Variants in PCDHGA3 observed in about 807,000 individuals in gnomAD.
PCDHGA3 encodes the protein protocadherin gamma-A3.
In PCDHGA3, 40 loss-of-function variants were observed where a neutral mutation model predicts 58.5. The observed-to-expected ratio is 0.68, with a 90% CI of 0.53 to 0.89. PCDHGA3 has a LOEUF of 0.89. PCDHGA3 is among the 40% of genes least tolerant of loss of function. The pLI, the probability that PCDHGA3 is intolerant of heterozygous loss-of-function variation, is 0.00. For synonymous variants in PCDHGA3, 530 were observed against 525.7 expected (o/e 1.01, Z -0.11); for missense variants, 1,223 against 1,195.9 (o/e 1.02, Z -0.33).
intron 1 of PCDHGA3, chr5:141,478,167 G>A: frequency 6.2e-7 from 1 of 1,613,772 alleles, no homozygotes; most frequent in Non-Finnish European, 8.5e-7. Context: ...TCTGCCCCCC[G>A]GGAGCAGAAA....
At chr5:141,403,120 C>G (rs2094357495) in intron 1 of PCDHGA3, 3 of 1,614,050 alleles carry the variant, frequency 1.9e-6, no homozygotes, top group South Asian at 2.2e-5. Context: ...CTCTGGAGCC[C>G]CGGGAGCTGG....
chr5:141,369,893 A>T (rs956763780), intron 1 of PCDHGA3, among the ~76,000 whole-genome samples: 1 of 152,230 alleles, frequency 6.6e-6, no homozygotes, highest in Non-Finnish European at 1.5e-5. Context: ...AGATATTATT[A>T]TGACCATTTT....
At chr5:141,440,954 G>A (rs908507291) in intron 1 of PCDHGA3, 9 of 152,184 alleles carry the variant, frequency 5.9e-5, no homozygotes, top group Non-Finnish European at 1.0e-4. Flanking sequence ...GAGTGTCAAG[G>A]CAGAGATCAC....
intron 1 of PCDHGA3, chr5:141,373,841 C>T: frequency 2.3e-6 from 1 of 438,764 alleles, no homozygotes; most frequent in Non-Finnish European, 4.0e-6. Flanking sequence ...TAAGTTAGGA[C>T]TCTAAGCGTC....
chr5:141,370,459 T>G, intron 1 of PCDHGA3: 2 of 1,612,272 alleles, frequency 1.2e-6, no homozygotes, highest in Admixed American at 3.3e-5. Flanking sequence ...CTCTTCCTGC[T>G]CTCTTTGTTA....
At chr5:141,475,980 C>T (rs758066578) in intron 1 of PCDHGA3, 45 of 1,028,498 alleles carry the variant, frequency 4.4e-5, no homozygotes, top group Non-Finnish European at 6.2e-5. Flanking sequence ...ACTGAACAGC[C>T]GGCGAGCAAA....
At chr5:141,420,742 A>G (rs967908996) in intron 1 of PCDHGA3, among the ~76,000 whole-genome samples, 3 of 152,372 alleles carry the variant, frequency 2.0e-5, no homozygotes, top group African/African-American at 7.2e-5. Context: ...AATCAATTGG[A>G]ACCAACTACA....
chr5:141,489,339 C>T lies in PCDHGA3; in HGVS notation c.2425-5468C>T. 6.2e-7 allele frequency: 1 copy of T among 1,608,828 alleles called. No individual in the cohort carries two copies. On this transcript the variant is annotated intron_variant, in intron 1 of 3. Transcript: ENST00000253812. The surrounding 1 kb of genome is among the most constrained non-coding windows in gnomAD (Gnocchi z 4.5). ...GCTGGGTGTCTGGGCAGCTTCGTTA[C>T]TCAGTGGTGGAGGAGTCTGAGCCGG...
chr5:141,389,658 G>T (rs750579245), intron 1 of PCDHGA3: 17 of 1,612,424 alleles, frequency 1.1e-5, no homozygotes, highest in Non-Finnish European at 8.5e-7. Flanking sequence ...GGTAGTGGCG[G>T]TGGACGCAGA....
At chr5:141,377,605 C>T (rs572021306) in intron 1 of PCDHGA3, 1 of 140,680 alleles carries the variant, frequency 7.1e-6, no homozygotes, top group Admixed American at 7.1e-5. Context: ...CTCTCTCTCT[C>T]AAAAAAAAAA....
intron 1 of PCDHGA3, chr5:141,364,781 C>T (rs754157065): frequency 8.1e-6 from 13 of 1,613,988 alleles, no homozygotes; most frequent in Non-Finnish European, 1.0e-5. Flanking sequence ...TGCAGGGACA[C>T]GGTTAGTGCT....
At chr5:141,365,004 C>T (rs746525916) in intron 1 of PCDHGA3, 10 of 1,613,936 alleles carry the variant, frequency 6.2e-6, no homozygotes, top group South Asian at 4.4e-5. Flanking sequence ...CTCTCCGGCA[C>T]CACGCACATC....
At chr5:141,372,976 A>G (rs1223476542) in intron 1 of PCDHGA3, 1 of 663,898 alleles carries the variant, frequency 1.5e-6, no homozygotes, top group Non-Finnish European at 2.5e-6. Context: ...CCTGTAGAAT[A>G]TCTGTGTTGC....
In PCDHGA3 at chr5:141,344,405, A is replaced by G. The variant is rs1757413719; in HGVS notation, c.372A>G (p.Lys124=). ...LKIFEVEIEI[K]DINDNAPNFP... ...TTTTTGAAGTAGAAATAGAAATTAA[A>G]GATATTAATGATAATGCTCCTAATT... The change falls in exon 1 of 4, where the codon AAA becomes AAG. Residue 124 remains lysine (K), a synonymous_variant. Coordinates refer to ENST00000253812, the MANE Select transcript of PCDHGA3 (RefSeq NM_018916.4). The G allele has an allele frequency of 6.2e-7, 1 of 1,611,738 alleles. No homozygotes were observed. Among genetic ancestry groups the G allele is most frequent in the Non-Finnish European group, 8.5e-7 (1 of 1,178,754 alleles).
rs547334260 is a variant in PCDHGA3 at position 141,344,843 on chromosome 5, C to T, written c.810C>T (p.Asp270=). 6.2e-6 allele frequency: 10 copies of T among 1,613,868 alleles called. No homozygotes were observed. Among genetic ancestry groups the T allele is most frequent in the Middle Eastern group, 1.6e-4 (1 of 6,062 alleles). The part of the protein sequence containing the change: ...RLLTVNATDP[D]EGFNAQVSYI... ...TCACGGTGAATGCCACTGACCCTGA[C>T]GAGGGATTCAATGCTCAAGTGTCTT... is the stretch of plus-strand genomic sequence containing the variant. The change falls in exon 1 of 4, where the codon GAC becomes GAT. Residue 270 remains aspartate (D), a synonymous_variant. Transcript: ENST00000253812.
intron 1 of PCDHGA3, among the ~76,000 whole-genome samples, chr5:141,373,419 A>G (rs562017784): frequency 6.6e-6 from 1 of 152,336 alleles, no homozygotes; most frequent in African/African-American, 2.4e-5. Flanking sequence ...GCTACTCGGG[A>G]GGCTGAGGTG....
At position 141,423,418 on chromosome 5, in the gene PCDHGA3, G is replaced by T. The variant is rs1236092057; in HGVS notation, c.2425-71389G>T. On this transcript the variant is annotated intron_variant, in intron 1 of 3. Transcript: ENST00000253812. ...GTCACGCCTGCTGCAGGCTTCTGAAGGCGGGTTGGCAGGTATGCCCACGTC... is the reference window on the plus strand; with the variant it reads ...GTCACGCCTGCTGCAGGCTTCTGAATGCGGGTTGGCAGGTATGCCCACGTC... 1.2e-6 allele frequency: 2 copies of T among 1,614,022 alleles called. No individual in the cohort carries two copies. Among genetic ancestry groups the T allele is most frequent in the South Asian group, 1.1e-5 (1 of 91,088 alleles).
intron 1 of PCDHGA3, chr5:141,371,369 A>G: frequency 6.2e-7 from 1 of 1,614,014 alleles, no homozygotes; most frequent in Non-Finnish European, 8.5e-7. Flanking sequence ...AGGATGGTGG[A>G]CATCACACTG....
intron 1 of PCDHGA3, chr5:141,361,752 G>A (rs1860253): frequency 6.2e-7 from 1 of 1,613,012 alleles, no homozygotes; most frequent in East Asian, 2.2e-5. Flanking sequence ...ACCAGGGCTC[G>A]CCCGCGCTCA....
Sources: gnomAD v4.1 joint callset for allele counts (sites outside exome capture counted in the v4.1 genomes callset) on GRCh38, gnomAD v4.1.1 for gene constraint, Gnocchi (gnomAD v3.1) non-coding constraint, MANE v1.5 for transcripts, NCBI Gene and HGNC (gene_info 2026-07-23, HGNC 2026-07-21) for gene names.